FBXL4: variants seen among roughly 807,000 people sequenced by gnomAD.
The protein encoded by FBXL4 is F-box/LRR-repeat protein 4.
Under a neutral mutation model 58.9 loss-of-function variants are expected in FBXL4, and 40 were observed. That is an observed-to-expected ratio of 0.68 (90% CI 0.53 to 0.88). FBXL4 has a LOEUF of 0.88. Among genes scored for constraint, FBXL4 ranks in the 40% least tolerant of loss-of-function variants. The pLI is 0.00. For missense variants in FBXL4, 676 were observed against 734.4 expected (o/e 0.92, Z 0.92); for synonymous variants, 263 against 265.5 (o/e 0.99, Z 0.09).
intron 1 of FBXL4, among the ~76,000 whole-genome samples, chr6:98,938,041 CTT>C (rs71015480): frequency 0.15 from 18,649 of 120,866 alleles, 1,473 homozygotes; most frequent in East Asian, 0.38. Context: ...CCCCTGCACC[CTT>C]TTTTTTTTTT....
At chr6:98,891,986 C>T (rs1472783813) in intron 7 of FBXL4, among the ~76,000 whole-genome samples, 1 of 152,120 alleles carries the variant, frequency 6.6e-6, no homozygotes, top group Non-Finnish European at 1.5e-5. Context: ...TTGACTGTAA[C>T]TGGACTACAG....
chr6:98,913,621 A>G (rs1772197088), intron 5 of FBXL4, among the ~76,000 whole-genome samples: 1 of 152,224 alleles, frequency 6.6e-6, no homozygotes, highest in African/African-American at 2.4e-5. Flanking sequence ...AACCAATAAG[A>G]ACAAAGACAC....
At chr6:98,884,087 G>A (rs1401129761) in intron 7 of FBXL4, among the ~76,000 whole-genome samples, 1 of 151,168 alleles carries the variant, frequency 6.6e-6, no homozygotes, top group East Asian at 1.9e-4. Context: ...ATTTTTAATT[G>A]TTCTTTTACT....
In FBXL4 at chr6:98,869,169, G is replaced by A; in HGVS notation, c.*5109C>T. ...TTAATGGTCATTGACAAGATTTTAA[G>A]GGTAGTTAAAAAAGTTTCTCTGAAG... On this transcript the variant is annotated 3_prime_UTR_variant, in exon 10 of 10. Transcript: ENST00000369244. 1 of 152,172 alleles carries A rather than the reference G, an allele frequency of 6.6e-6. No homozygotes were observed. Among genetic ancestry groups the A allele is most frequent in the East Asian group, 1.9e-4 (1 of 5,192 alleles). The allele number at this position is 152,172 out of a possible 1,614,324, so 9.4% of individuals were successfully genotyped here.
chr6:98,909,990 T>C (rs944989077), intron 5 of FBXL4, among the ~76,000 whole-genome samples: 1 of 152,246 alleles, frequency 6.6e-6, no homozygotes, highest in South Asian at 2.1e-4. Context: ...TCTAAGACAT[T>C]CAAAAGGCTA....
chr6:98,937,633 T>C (rs1327766937), intron 1 of FBXL4, among the ~76,000 whole-genome samples: 5 of 152,022 alleles, frequency 3.3e-5, no homozygotes, highest in African/African-American at 1.2e-4. Context: ...GGAGGAGGTG[T>C]AAAAAGAGGC....
chr6:98,898,914 C>T (rs1487464318), intron 7 of FBXL4: 1 of 985,220 alleles, frequency 1.0e-6, no homozygotes, highest in East Asian at 1.1e-4. Context: ...ACTTTGCTTC[C>T]TCCCACTGCA....
intron 5 of FBXL4, among the ~76,000 whole-genome samples, chr6:98,914,620 G>A (rs531507069): frequency 9.9e-5 from 15 of 152,112 alleles, no homozygotes; most frequent in East Asian, 7.7e-4. Flanking sequence ...ATTCAACAAC[G>A]CTTCATGCTA....
chr6:98,920,613 A>G (rs2128402418), intron 4 of FBXL4, among the ~76,000 whole-genome samples: 1 of 152,338 alleles, frequency 6.6e-6, no homozygotes, highest in Middle Eastern at 3.4e-3. Context: ...TGCTACCTGC[A>G]TTAAGGTTTT....
intron 1 of FBXL4, among the ~76,000 whole-genome samples, chr6:98,943,900 T>C (rs80345937): frequency 6.6e-6 from 1 of 152,216 alleles, no homozygotes; most frequent in African/African-American, 2.4e-5. Context: ...ACACATATTA[T>C]CTTTAAGGCT....
intron 5 of FBXL4, among the ~76,000 whole-genome samples, chr6:98,914,372 G>A (rs1772238128): frequency 6.6e-6 from 1 of 152,042 alleles, no homozygotes; most frequent in South Asian, 2.1e-4. Flanking sequence ...AAAAAAGAGA[G>A]TTTTAGACCA....
chr6:98,945,888 G>C lies in FBXL4; in HGVS notation c.-309+1918C>G, dbSNP rs142791940. Among the ~76,000 whole-genome samples the C allele has an allele frequency of 5.9e-5, 9 of 152,248 alleles. 1 individual carries two copies. The highest frequency in any genetic ancestry group is 2.2e-4 in the African/African-American group (9 of 41,526). On this transcript the variant is annotated intron_variant, in intron 1 of 9. Coordinates refer to ENST00000369244, the MANE Select transcript of FBXL4 (RefSeq NM_001278716.2). ...AGGAGCAACTCTAGTCGCAAGTTCT[G>C]AATGAGCAACAGAAGGGATTTATTT...
rs1770461904 is a variant in FBXL4, at chr6:98,870,451, T to C, written c.*3827A>G. On this transcript the variant is annotated 3_prime_UTR_variant, in exon 10 of 10. Coordinates refer to ENST00000369244, the MANE Select transcript of FBXL4 (RefSeq NM_001278716.2). ...ACATGGCCACACTCATTCGTTTAGG[T>C]ACTGTCTATGATTGCTTTCACATTA... 6.6e-6 allele frequency: 1 copy of C among 152,232 alleles called. No homozygotes were observed. Among genetic ancestry groups the C allele is most frequent in the Non-Finnish European group, 1.5e-5 (1 of 68,048 alleles). 9.4% of individuals were successfully genotyped at this position (152,232 alleles called of 1,614,324 possible).
intron 1 of FBXL4, among the ~76,000 whole-genome samples, chr6:98,940,308 C>A (rs2128412519): frequency 6.6e-6 from 1 of 152,244 alleles, no homozygotes; most frequent in South Asian, 2.1e-4. Flanking sequence ...ACAGTCCAAA[C>A]CCATGTTGTT....
intron 4 of FBXL4, among the ~76,000 whole-genome samples, chr6:98,925,767 T>C (rs1272402803): frequency 1.3e-5 from 2 of 152,202 alleles, no homozygotes; most frequent in East Asian, 3.9e-4. Context: ...TATAAAATTA[T>C]ATTTGTATTT....
chr6:98,922,151 C>T lies in FBXL4; in HGVS notation c.512+4326G>A, dbSNP rs148894807. 5.2e-3 allele frequency among the ~76,000 whole-genome samples: 786 copies of T among 152,238 alleles called. 9 individuals carry two copies. Among genetic ancestry groups the T allele is most frequent in the African/African-American group, 0.018 (739 of 41,536 alleles). ...CCATGTTGGCCAGGCTGGTCTCAAA[C>T]GCTTGACCTTGTTATCCGCCCCCCT... On this transcript the variant is annotated intron_variant, in intron 4 of 9. Coordinates refer to ENST00000369244, the MANE Select transcript of FBXL4 (RefSeq NM_001278716.2).
intron 1 of FBXL4, among the ~76,000 whole-genome samples, chr6:98,935,998 T>C (rs1773204226): frequency 6.6e-6 from 1 of 152,300 alleles, no homozygotes; most frequent in African/African-American, 2.4e-5. Context: ...GTGAATTTAC[T>C]TTAGCCAAAT....
intron 1 of FBXL4, among the ~76,000 whole-genome samples, chr6:98,936,709 GTA>G (rs1394068972): frequency 1.3e-5 from 2 of 152,092 alleles, no homozygotes; most frequent in Admixed American, 1.3e-4. Flanking sequence ...TTAACCAACT[GTA>G]TATGTTATCA....
chr6:98,878,401 G>A (rs577455413), intron 8 of FBXL4, among the ~76,000 whole-genome samples: 3 of 152,038 alleles, frequency 2.0e-5, no homozygotes, highest in Non-Finnish European at 4.4e-5. Flanking sequence ...GAGTGCGGTG[G>A]TATAACCATA....
Sources: allele counts gnomAD v4.1 joint callset (sites outside exome capture counted in the v4.1 genomes callset), GRCh38; gene constraint gnomAD v4.1.1; transcripts MANE v1.5; gene names NCBI Gene and HGNC (gene_info 2026-07-23, HGNC 2026-07-21).